Variants in SLC35E4 observed in about 807,000 individuals in gnomAD.
SLC35E4 encodes the protein solute carrier family 35 member E4, also known as solute carrier family 35, member E4.
Under a neutral mutation model 19.3 loss-of-function variants are expected in SLC35E4, and 15 were observed. That is an observed-to-expected ratio of 0.78 (90% CI 0.52 to 1.20). The LOEUF (loss-of-function observed/expected upper bound fraction) is 1.20. Ranked by LOEUF, SLC35E4 falls within the 50% of genes most tolerant of loss-of-function variation. The pLI is 0.00. For synonymous variants in SLC35E4, 219 were observed against 219.9 expected (o/e 1.00, Z 0.04); for missense variants, 406 against 472.3 (o/e 0.86, Z 1.30).
chr22:30,641,718 ATTTTTT>A (rs56070783), intron 1 of SLC35E4, among the ~76,000 whole-genome samples: 15,836 of 108,780 alleles, frequency 0.15, 1,904 homozygotes, highest in African/African-American at 0.34. Context: ...CTAATTTTTA[ATTTTTT>A]TTTTTTTTTT....
chr22:30,648,276 G>A (rs2088165285), downstream of SLC35E4, among the ~76,000 whole-genome samples: 2 of 152,062 alleles, frequency 1.3e-5, no homozygotes, highest in Admixed American at 6.6e-5. Flanking sequence ...CCCTTCCCCT[G>A]GGCTCTGCCT....
intron 1 of SLC35E4, among the ~76,000 whole-genome samples, chr22:30,638,990 A>G (rs1024057394): frequency 2.7e-5 from 4 of 147,374 alleles, no homozygotes; most frequent in African/African-American, 1.0e-4. Flanking sequence ...AGTTCAGCCC[A>G]GCGCAGTGGC....
Position 30,661,148 on chromosome 22 carries a change from T to C in SLC35E4, c.*9-912T>C, listed in dbSNP as rs571095408. ...GAGCCACCACGCCCGGCCTCAATTG[T>C]ATTTCTATATACTAATAATGAGCAA... On this transcript the variant is annotated intron_variant, in intron 2 of 2. Transcript: ENST00000406566. Among the ~76,000 whole-genome samples the C allele has an allele frequency of 1.4e-4, 21 of 152,226 alleles. No individual in the cohort carries two copies. In the South Asian group the frequency reaches 3.3e-3, roughly 24 times the overall value.
intron 1 of SLC35E4, among the ~76,000 whole-genome samples, chr22:30,643,950 C>A (rs770095664): frequency 1.3e-5 from 2 of 152,176 alleles, no homozygotes; most frequent in African/African-American, 4.8e-5. Flanking sequence ...TTTCCCTGGG[C>A]TGCAGGGAGG....
intron 1 of SLC35E4, 75 bp from the exon 2 acceptor site, chr22:30,646,523 G>C: frequency 6.6e-7 from 1 of 1,509,868 alleles, no homozygotes; most frequent in Non-Finnish European, 8.9e-7. Flanking sequence ...TGGAGGATCG[G>C]CCATAGGGGT....
At chr22:30,644,980 A>G (rs992407011) in intron 1 of SLC35E4, among the ~76,000 whole-genome samples, 1 of 45,388 alleles carries the variant, frequency 2.2e-5, no homozygotes, top group Admixed American at 2.5e-4. Flanking sequence ...TATTAGCAGG[A>G]AAAAAAAAAG....
chr22:30,655,518 T>C (rs978452609), intron 2 of SLC35E4, among the ~76,000 whole-genome samples: 6 of 151,930 alleles, frequency 3.9e-5, no homozygotes, highest in South Asian at 4.1e-4. Flanking sequence ...TTTTTTTTTT[T>C]CTTCCAGGAA....
chr22:30,652,018 A>G (rs764592632), downstream of SLC35E4: 2 of 152,194 alleles, frequency 1.3e-5, no homozygotes, highest in African/African-American at 2.4e-5. Context: ...GGGAACTGCA[A>G]TAGAGAAAGA....
intron 1 of SLC35E4, among the ~76,000 whole-genome samples, chr22:30,641,396 C>G (rs2088034056): frequency 6.6e-6 from 1 of 152,226 alleles, no homozygotes. Flanking sequence ...TCTGCTCCCC[C>G]TATCATGGTT....
At chr22:30,650,770 C>T (rs2088196167), downstream of SLC35E4, among the ~76,000 whole-genome samples, 1 of 152,150 alleles carries the variant, frequency 6.6e-6, no homozygotes, top group East Asian at 1.9e-4. Flanking sequence ...CTCAGCCTGC[C>T]AGAGCACATT....
At position 30,636,169 on chromosome 22, in the gene SLC35E4, C is replaced by T. The variant is rs2087941127; in HGVS notation, c.-282C>T. The T allele has an allele frequency of 7.0e-6, 3 of 427,862 alleles. 1 individual carries two copies. The South Asian group carries it at 2.0e-4, about 28-fold the overall frequency. The allele number at this position is 427,862 out of a possible 1,614,324, so 26.5% of individuals were successfully genotyped here. A position where few individuals can be genotyped will look rare whatever the true frequency, so the allele number is the denominator to read the frequency against. ...AGGCGAGGAGGAAAGTGGAGACCACCTGGCACGGGGCAGAGGTGCCTGGAG... is the reference window on the plus strand; with the variant it reads ...AGGCGAGGAGGAAAGTGGAGACCACTTGGCACGGGGCAGAGGTGCCTGGAG... On this transcript the variant is annotated 5_prime_UTR_variant, in exon 1 of 2. Transcript: ENST00000343605.
At position 30,646,939 on chromosome 22, in the gene SLC35E4, G is replaced by A; in HGVS notation, c.961G>A (p.Gly321Arg). The A allele has an allele frequency of 1.2e-6, 2 of 1,614,188 alleles. No individual in the cohort carries two copies. Among genetic ancestry groups the A allele is most frequent in the Non-Finnish European group, 1.7e-6 (2 of 1,180,046 alleles). Reference protein sequence around the residue: ...SYVGIALTLSGMFLYHNCEFV... With the variant: ...SYVGIALTLSRMFLYHNCEFV... ...CGTGGGCATCGCACTCACTCTTTCA[G>A]GAATGTTCCTTTACCACAACTGCGA... Residue 321 changes from glycine (G) to arginine (R), a missense_variant, in exon 2 of 2, where the codon GGA becomes AGA. Physicochemically the swap from Gly to Arg is moderately radical, Grantham distance 125. Coordinates refer to ENST00000343605, the MANE Select transcript of SLC35E4 (RefSeq NM_001001479.4).
chr22:30,654,322 G>T, intron 2 of SLC35E4: 1 of 462,394 alleles, frequency 2.2e-6, no homozygotes, highest in Non-Finnish European at 4.3e-6. Context: ...GTGGATCTTG[G>T]CCTTCTCCTT....
downstream of SLC35E4, chr22:30,665,546 A>G (rs1269105933): frequency 2.1e-6 from 1 of 470,916 alleles, no homozygotes; most frequent in Non-Finnish European, 4.4e-6. Context: ...GAGCCTTAAG[A>G]TATCAACTTA....
At chr22:30,667,867 C>G (rs1299765212), downstream of SLC35E4, 1 of 152,476 alleles carries the variant, frequency 6.6e-6, no homozygotes, top group Non-Finnish European at 1.5e-5. Context: ...CCGTAGCCGC[C>G]CGGGCTCTGT....
Position 30,646,991 on chromosome 22 carries a change from G to C in SLC35E4, c.1013G>C (p.Arg338Pro). The change falls in exon 2 of 2, where the codon CGG (arginine) becomes CCG (proline). Residue 338 changes from arginine to proline, a missense_variant. By Grantham distance (103) the Arg-to-Pro change is moderately radical. Transcript: ENST00000343605. ...TTCGTGGCCTCCTGGGCTGCCCGTC[G>C]GGGGCTGTGGCGGAGGGACCAGCCC... ...CEFVASWAAR[R>P]GLWRRDQPSK... is the part of the protein sequence containing the mutation. 3.7e-6 allele frequency: 6 copies of C among 1,612,228 alleles called. No homozygotes were observed. The highest frequency in any genetic ancestry group is 5.1e-6 in the Non-Finnish European group (6 of 1,179,476).
chr22:30,668,337 C>G (rs1472958612), exon 3 of SLC35E4: 3 of 152,286 alleles, frequency 2.0e-5, no homozygotes, highest in Non-Finnish European at 4.4e-5. Flanking sequence ...CTTCGTTAGA[C>G]TCTCGGACCC....
chr22:30,646,899 CAG>C lies in SLC35E4; in HGVS notation c.922_923del (p.Ser308CysfsTer58), dbSNP rs1427688413. 1.2e-6 allele frequency: 2 copies of C among 1,614,252 alleles called. No individual in the cohort carries two copies. The highest frequency in any genetic ancestry group is 1.7e-6 in the Non-Finnish European group (2 of 1,180,048). Reference sequence around the variant, plus strand: ...CCCGGCTGTTGTTTGGCAGCCGCCTCAGTGCCCTCAGCTACGTGGGCATCGCA... The same window carrying C: ...CCCGGCTGTTGTTTGGCAGCCGCCTCTGCCCTCAGCTACGTGGGCATCGCA... ...LSRLLFGSRL[S>X]ALSYVGIALT... On this transcript the variant is annotated frameshift_variant, in exon 2 of 2. Coordinates refer to ENST00000343605, the MANE Select transcript of SLC35E4 (RefSeq NM_001001479.4). LOFTEE classifies it high-confidence loss of function.
chr22:30,662,084 G>C (rs1268492454), exon 3 of SLC35E4: 1 of 112,630 alleles, frequency 8.9e-6, no homozygotes, highest in Admixed American at 1.1e-4. Context: ...AGAGTACTTT[G>C]TAACAATAAA....
Sources: allele counts gnomAD v4.1 joint callset (sites outside exome capture counted in the v4.1 genomes callset), GRCh38; gene constraint gnomAD v4.1.1; transcripts MANE v1.5; gene names NCBI Gene and HGNC (gene_info 2026-07-23, HGNC 2026-07-21).